Variants in CCDC91 observed in about 807,000 individuals in gnomAD.
CCDC91 encodes coiled-coil domain-containing protein 91.
A neutral mutation model predicts 63.2 loss-of-function variants in CCDC91; 48 were observed. That is an observed-to-expected ratio of 0.76 (90% confidence interval 0.60 to 0.97). The LOEUF (loss-of-function observed/expected upper bound fraction) is 0.97, where lower values mean the gene tolerates loss of function less well. Ranked by LOEUF, CCDC91 falls within the 50% of genes least tolerant of loss-of-function variation. The pLI is 0.00. For missense variants in CCDC91, 500 were observed against 494.6 expected, an observed-to-expected ratio of 1.01 and a Z score of -0.10; for synonymous variants, 167 against 165.8, an observed-to-expected ratio of 1.01 and a Z score of -0.06.
At chr12:28,326,373 A>AT (rs1161021738) in intron 6 of CCDC91, among the ~76,000 whole-genome samples, 8 of 130,974 alleles carry the variant, frequency 6.1e-5, no homozygotes, top group Non-Finnish European at 1.3e-4. Flanking sequence ...TTTTATTTTT[A>AT]TTTTTTATGT....
At chr12:28,276,125 G>A (rs140156920) in intron 3 of CCDC91, among the ~76,000 whole-genome samples, 3 of 152,078 alleles carry the variant, frequency 2.0e-5, no homozygotes, top group South Asian at 2.1e-4. Flanking sequence ...CATGACCTAT[G>A]TAAGTAATTT....
rs140776894 is a variant in CCDC91, at chr12:28,366,988, G to A, written c.654+4473G>A. ...CTACCTGGAGGTTTTCATTTTTCTC[G>A]GCTGGAGTGGTGTCCTGTCAGAAGA... On this transcript the variant is annotated intron_variant, in intron 7 of 12. Coordinates refer to ENST00000536442, the MANE Select transcript of CCDC91 (RefSeq NM_018318.5). Among the ~76,000 whole-genome samples the A allele has an allele frequency of 1.6e-3, 239 of 152,036 alleles. 1 individual carries two copies. Among genetic ancestry groups the A allele is most frequent in the African/African-American group, 5.4e-3 (226 of 41,484 alleles).
intron 8 of CCDC91, among the ~76,000 whole-genome samples, chr12:28,435,177 T>C (rs1350029819): frequency 7.2e-5 from 11 of 151,780 alleles, no homozygotes; most frequent in Admixed American, 7.2e-4. Flanking sequence ...TTGTTTTGCT[T>C]ACTTTAATTT....
intron 12 of CCDC91, among the ~76,000 whole-genome samples, chr12:28,523,246 A>C (rs921466553): frequency 3.6e-4 from 55 of 152,056 alleles, no homozygotes; most frequent in Non-Finnish European, 6.5e-4. Flanking sequence ...TGCTTTATGA[A>C]TCTGGGTGCT....
chr12:28,414,325 A>G (rs558098001), intron 8 of CCDC91, among the ~76,000 whole-genome samples: 64 of 152,288 alleles, frequency 4.2e-4, no homozygotes, highest in African/African-American at 1.4e-3. Context: ...TTGGATGCCA[A>G]GCAAGTAAAA....
intron 6 of CCDC91, among the ~76,000 whole-genome samples, chr12:28,355,171 T>C (rs981854749): frequency 1.3e-5 from 2 of 152,182 alleles, no homozygotes; most frequent in Non-Finnish European, 2.9e-5. Flanking sequence ...CAAGGCTCCA[T>C]GCCTTTGAAG....
chr12:28,319,375 A>T (rs1422557674), intron 6 of CCDC91: 1 of 152,000 alleles, frequency 6.6e-6, no homozygotes, highest in East Asian at 1.9e-4. Context: ...GATTCTGCAT[A>T]AAGTCTTTTA....
At position 28,449,904 on chromosome 12, in the gene CCDC91, AT is replaced by A. The variant is rs3215359; in HGVS notation, c.763-253del. Among the ~76,000 whole-genome samples, 98 of 152,036 alleles carry A rather than the reference AT, an allele frequency of 6.4e-4. 2 individuals carry two copies. In the East Asian group the frequency reaches 0.018, roughly 28 times the overall value. On this transcript the variant is annotated intron_variant, in intron 8 of 12. Transcript: ENST00000536442. ...ACATCATTTTCTGATTAATTTTTCA[AT>A]TTTGAGTAGTTGTTCTTAAGTTAGA...
intron 6 of CCDC91, among the ~76,000 whole-genome samples, chr12:28,345,059 A>T (rs953828441): frequency 6.6e-6 from 1 of 152,080 alleles, no homozygotes; most frequent in African/African-American, 2.4e-5. Context: ...ATTTTTTGAA[A>T]TGGCAACATC....
chr12:28,450,048 T>C (rs1949724413), intron 8 of CCDC91, 113 bp from the exon 9 acceptor site: 1 of 596,558 alleles, frequency 1.7e-6, no homozygotes, highest in Admixed American at 3.0e-5. Flanking sequence ...TTCTCATTTT[T>C]TCCTTTTGTA....
At chr12:28,209,906 T>A (rs1943113917) in intron 1 of CCDC91, among the ~76,000 whole-genome samples, 1 of 152,220 alleles carries the variant, frequency 6.6e-6, no homozygotes, top group South Asian at 2.1e-4. Context: ...TTTTTTTCAG[T>A]AGTCTCAATT....
chr12:28,301,052 T>C (rs1324814321), intron 3 of CCDC91, among the ~76,000 whole-genome samples: 3 of 151,646 alleles, frequency 2.0e-5, no homozygotes, highest in African/African-American at 7.2e-5. Context: ...TCTTTTTTTA[T>C]GGTGCTATTT....
chr12:28,231,888 C>A (rs889879037), intron 1 of CCDC91, among the ~76,000 whole-genome samples: 1 of 152,092 alleles, frequency 6.6e-6, no homozygotes, highest in Admixed American at 6.6e-5. Context: ...TGGTGATTTT[C>A]CCAGCTGTAA....
rs376526626 is a variant in CCDC91 at position 28,441,697 on chromosome 12, ATCTC to A, written c.763-8459_763-8456del. Among the ~76,000 whole-genome samples the A allele has an allele frequency of 4.8e-4, 67 of 138,776 alleles. No individual in the cohort carries two copies. The East Asian group carries it at 6.2e-3, about 13-fold the overall frequency. 91.0% of individuals were successfully genotyped at this position (138,776 alleles called of 152,430 possible). A position where few individuals can be genotyped will look rare whatever the true frequency, so the allele number is the denominator to read the frequency against. On this transcript the variant is annotated intron_variant, in intron 8 of 12. Transcript: ENST00000536442. ...ATATATATCTCATGTGTATATATAT[ATCTC>A]TCTCATATATATATCTCATATATAT...
chr12:28,283,573 A>G (rs565415059), intron 3 of CCDC91, among the ~76,000 whole-genome samples: 1 of 152,180 alleles, frequency 6.6e-6, no homozygotes, highest in South Asian at 2.1e-4. Context: ...GGTTGTGTAA[A>G]GGTTGAGTAT....
At chr12:28,218,733 GTA>G (rs1565627311) in intron 1 of CCDC91, among the ~76,000 whole-genome samples, 1 of 150,976 alleles carries the variant, frequency 6.6e-6, no homozygotes, top group African/African-American at 2.4e-5. Flanking sequence ...GTGTGTGTAT[GTA>G]TGTATGTGTG....
intron 12 of CCDC91, among the ~76,000 whole-genome samples, chr12:28,544,790 G>A (rs1942870278): frequency 6.6e-6 from 1 of 151,962 alleles, no homozygotes; most frequent in African/African-American, 2.4e-5. Context: ...GCATTTTAAT[G>A]ACTGGCAAAT....
In CCDC91 at chr12:28,306,759, C is replaced by A; in HGVS notation, c.285C>A (p.His95Gln). Reference sequence around the variant, plus strand: ...TGGTTTAGATTCAGCAATCAACACACACTCATCTGGATATCTCACTTTTTC... The same window carrying A: ...TGGTTTAGATTCAGCAATCAACACAAACTCATCTGGATATCTCACTTTTTC... ...IPKAQIQQST[H>Q]THLDISLFPL... Residue 95 changes from histidine to glutamine, a missense_variant, in exon 5 of 13, where the codon CAC (histidine) becomes CAA (glutamine). His to Gln is a conservative substitution (Grantham distance 24). Coordinates refer to ENST00000536442, the MANE Select transcript of CCDC91 (RefSeq NM_018318.5). 6.2e-7 allele frequency: 1 copy of A among 1,608,928 alleles called. No individual in the cohort carries two copies.
At chr12:28,247,481 A>C (rs78676432) in intron 1 of CCDC91, among the ~76,000 whole-genome samples, 1 of 60,684 alleles carries the variant, frequency 1.6e-5, no homozygotes, top group African/African-American at 1.0e-4. Flanking sequence ...CTCCGTCTCA[A>C]AAAAAAAAAA....
Sources: gnomAD v4.1 joint callset for allele counts (sites outside exome capture counted in the v4.1 genomes callset) on GRCh38, gnomAD v4.1.1 for gene constraint, MANE v1.5 for transcripts, NCBI Gene and HGNC (gene_info 2026-07-23, HGNC 2026-07-21) for gene names.